SLC44A5: variants seen among roughly 807,000 people sequenced by gnomAD.
SLC44A5 encodes choline transporter-like protein 5.
SLC44A5 carries 57 observed loss-of-function variants against 101.8 expected under a neutral mutation model. That is an observed-to-expected ratio of 0.56 (90% CI 0.45 to 0.70). SLC44A5 has a LOEUF of 0.70. Among genes scored for constraint, SLC44A5 ranks in the 30% least tolerant of loss-of-function variants. The probability of loss-of-function intolerance (pLI) is 0.00; values close to 1 mark genes in which losing one functional copy is unlikely to be tolerated. For missense variants in SLC44A5, 737 were observed against 853.1 expected (o/e 0.86, Z 1.70); for synonymous variants, 281 against 290.9 (o/e 0.97, Z 0.35).
the SLC44A5 span, among the ~76,000 whole-genome samples, chr1:75,633,128 A>C: frequency 6.6e-6 from 1 of 152,158 alleles, no homozygotes; most frequent in Non-Finnish European, 1.5e-5. Flanking sequence ...TTGTTGAATA[A>C]AGTTTATAAA....
At chr1:75,624,712 A>G in the SLC44A5 span, among the ~76,000 whole-genome samples, 1 of 152,238 alleles carries the variant, frequency 6.6e-6, no homozygotes, top group East Asian at 1.9e-4. Flanking sequence ...CTAGAAGAGG[A>G]TGATCACTGA....
intron 7 of SLC44A5, among the ~76,000 whole-genome samples, chr1:75,246,752 G>A (rs1455188725): frequency 6.6e-6 from 1 of 151,964 alleles, no homozygotes; most frequent in African/African-American, 2.4e-5. Context: ...TCTTGGACAG[G>A]ATGAGCAATC....
rs115264596 is a variant in SLC44A5, at chr1:75,596,995, G to T, written c.-70+14045C>A. On this transcript the variant is annotated intron_variant, in intron 1 of 23. Transcript: ENST00000370859. ...AAACAAAGGCATTCAAGACCAGCCT[G>T]GGCAACATGGCAAACCCCTATCTCT... Among the ~76,000 whole-genome samples the T allele has an allele frequency of 5.8e-3, 878 of 152,158 alleles. 11 individuals carry two copies. Among genetic ancestry groups the T allele is most frequent in the African/African-American group, 0.021 (855 of 41,518 alleles).
chr1:75,661,287 T>C, the SLC44A5 span, among the ~76,000 whole-genome samples: 4 of 148,646 alleles, frequency 2.7e-5, no homozygotes, highest in Non-Finnish European at 5.9e-5. Context: ...TATCCATATG[T>C]AGAATGAAAC....
chr1:75,233,841 A>G, intron 12 of SLC44A5, 145 bp downstream of exon 12: 1 of 626,464 alleles, frequency 1.6e-6, no homozygotes, highest in Non-Finnish European at 2.7e-6. Context: ...GCAAAATGAA[A>G]TATTTTTTCT....
At chr1:75,430,654 G>C (rs1338617648) in intron 2 of SLC44A5, among the ~76,000 whole-genome samples, 1 of 152,206 alleles carries the variant, frequency 6.6e-6, no homozygotes. Context: ...CCTGAATCTT[G>C]TTTAAAATGC....
At chr1:75,641,673 T>C in the SLC44A5 span, 1 of 1,500,948 alleles carries the variant, frequency 6.7e-7, no homozygotes, top group Admixed American at 1.7e-5. Flanking sequence ...TGAAGAATAC[T>C]ATATACCTCT....
At chr1:75,520,269 G>A (rs1453893849) in intron 2 of SLC44A5, among the ~76,000 whole-genome samples, 3 of 152,098 alleles carry the variant, frequency 2.0e-5, no homozygotes, top group Admixed American at 1.3e-4. Flanking sequence ...AGAGGTGGGA[G>A]GATTGCTTGA....
the SLC44A5 span, among the ~76,000 whole-genome samples, chr1:75,658,565 A>G: frequency 6.6e-6 from 1 of 152,204 alleles, no homozygotes; most frequent in Non-Finnish European, 1.5e-5. Context: ...CAATTACAAC[A>G]TTTCTTGAGA....
chr1:75,679,297 A>C, the SLC44A5 span, among the ~76,000 whole-genome samples: 9 of 152,212 alleles, frequency 5.9e-5, no homozygotes, highest in East Asian at 1.9e-4. Context: ...AGCAACTCCA[A>C]GACATGCAAT....
chr1:75,260,624 A>G (rs895788009), intron 6 of SLC44A5, among the ~76,000 whole-genome samples: 7 of 152,140 alleles, frequency 4.6e-5, no homozygotes, highest in Non-Finnish European at 8.8e-5. Context: ...ATGAGACAGA[A>G]TGTTAACAAG....
the SLC44A5 span, among the ~76,000 whole-genome samples, chr1:75,620,642 C>G: frequency 6.6e-6 from 1 of 152,146 alleles, no homozygotes; most frequent in Non-Finnish European, 1.5e-5. Flanking sequence ...CAAGAAGTGC[C>G]TGTTCATATC....
chr1:75,350,972 C>A (rs183117969), intron 3 of SLC44A5, among the ~76,000 whole-genome samples: 3 of 150,474 alleles, frequency 2.0e-5, no homozygotes, highest in African/African-American at 7.3e-5. Flanking sequence ...GAATTTTAAC[C>A]GAAAGGAATG....
intron 1 of SLC44A5, among the ~76,000 whole-genome samples, chr1:75,577,016 T>C (rs1673408518): frequency 6.6e-6 from 1 of 152,222 alleles, no homozygotes; most frequent in Admixed American, 6.5e-5. Context: ...TCTTCCACTG[T>C]CTTCCCAATG....
Position 75,215,748 on chromosome 1 carries a change from A to C in SLC44A5, c.1728+6T>G, listed in dbSNP as rs780020584. The stretch of plus-strand genomic sequence containing the variant: ...AGCTTAGTAAATAATAAAATAATCT[A>C]CCTACCATAATATAGGCATTTCTGT... On this transcript the variant is annotated splice_donor_region_variant and intron_variant, in intron 19 of 23. Transcript: ENST00000370859. The C allele has an allele frequency of 2.5e-5, 38 of 1,523,940 alleles. No individual in the cohort carries two copies. Among genetic ancestry groups the C allele is most frequent in the Non-Finnish European group, 3.4e-5 (37 of 1,099,460 alleles). 94.4% of individuals were successfully genotyped at this position (1,523,940 alleles called of 1,614,324 possible).
Position 75,218,758 on chromosome 1 carries a change from T to C in SLC44A5, c.1267-6A>G. The C allele has an allele frequency of 1.2e-6, 2 of 1,605,890 alleles. No homozygotes were observed. The highest frequency in any genetic ancestry group is 1.7e-4 in the Middle Eastern group (1 of 5,978). ...ATTTCAGTTGTATTAAAAATCTGCATTGAGAAAAAGGAACACAAGGACATA... is the reference window on the plus strand; with the variant it reads ...ATTTCAGTTGTATTAAAAATCTGCACTGAGAAAAAGGAACACAAGGACATA... On this transcript the variant is annotated splice_polypyrimidine_tract_variant and splice_region_variant and intron_variant, in intron 16 of 23. Coordinates refer to ENST00000370859, the MANE Select transcript of SLC44A5 (RefSeq NM_001130058.2).
intron 2 of SLC44A5, among the ~76,000 whole-genome samples, chr1:75,501,766 T>A (rs1026926995): frequency 1.3e-5 from 2 of 152,232 alleles, no homozygotes; most frequent in African/African-American, 4.8e-5. Context: ...TGAGTAATTA[T>A]GCTTATCTGA....
chr1:75,524,349 A>G (rs1464592536), intron 2 of SLC44A5, among the ~76,000 whole-genome samples: 1 of 152,168 alleles, frequency 6.6e-6, no homozygotes, highest in East Asian at 1.9e-4. Flanking sequence ...TCTTTTCTTT[A>G]TAAATTACCC....
chr1:75,226,515 G>A (rs1244983901), intron 13 of SLC44A5, among the ~76,000 whole-genome samples: 1 of 152,040 alleles, frequency 6.6e-6, no homozygotes, highest in Non-Finnish European at 1.5e-5. Flanking sequence ...GGGTGCTTTG[G>A]TGACTTAACA....
Sources: allele counts gnomAD v4.1 joint callset (sites outside exome capture counted in the v4.1 genomes callset), GRCh38; gene constraint gnomAD v4.1.1; transcripts MANE v1.5; gene names NCBI Gene and HGNC (gene_info 2026-07-23, HGNC 2026-07-21).